LRCH2: variants seen among roughly 807,000 people sequenced by gnomAD.
LRCH2 encodes the protein leucine-rich repeat and calponin homology domain-containing protein 2.
A neutral mutation model predicts 68.9 loss-of-function variants in LRCH2; 38 were observed. The observed-to-expected ratio is 0.55, with a 90% CI of 0.43 to 0.72. The LOEUF is 0.72. Ranked by LOEUF, LRCH2 falls within the 30% of genes least tolerant of loss-of-function variation. The probability of loss-of-function intolerance (pLI) is 0.00; values close to 1 mark genes in which losing one functional copy is unlikely to be tolerated. For missense variants in LRCH2, 528 were observed against 572.9 expected, an observed-to-expected ratio of 0.92 and a Z score of 0.80; for synonymous variants, 191 against 208.1, an observed-to-expected ratio of 0.92 and a Z score of 0.71.
rs35928364 is a variant in LRCH2 at position 115,218,205 on chromosome X, CA to C, written c.349+15487del. Reference sequence around the variant, plus strand: ...TGCTTTCATGTAACATTTTTTAAACCAAAAAAAACCCCTAATATCTGAATTG... The same window carrying C: ...TGCTTTCATGTAACATTTTTTAAACCAAAAAAACCCCTAATATCTGAATTG... On this transcript the variant is annotated intron_variant, in intron 1 of 20. Transcript: ENST00000317135. 7.0e-3 allele frequency among the ~76,000 whole-genome samples: 765 copies of C among 109,905 alleles called. 5 individuals carry two copies. The highest frequency in any genetic ancestry group is 9.6e-3 in the Non-Finnish European group (502 of 52,509).
intron 1 of LRCH2, among the ~76,000 whole-genome samples, chrX:115,216,222 A>G (rs1033606304): frequency 8.9e-6 from 1 of 111,876 alleles, no homozygotes; most frequent in Non-Finnish European, 1.9e-5. Flanking sequence ...ATGTAAAACT[A>G]TATACACCAA....
chrX:115,228,018 A>G (rs1172081590), intron 1 of LRCH2, among the ~76,000 whole-genome samples: 1 of 112,219 alleles, frequency 8.9e-6, no homozygotes, highest in Non-Finnish European at 1.9e-5. Context: ...GAAAATATCT[A>G]CTGTTGAATT....
At chrX:115,125,300 G>A (rs192729871) in intron 16 of LRCH2, among the ~76,000 whole-genome samples, 411 of 102,576 alleles carry the variant, frequency 4.0e-3, no homozygotes, top group Non-Finnish European at 5.9e-3. Flanking sequence ...CTACCTACTC[G>A]GGAGGCTGAG....
intron 1 of LRCH2, among the ~76,000 whole-genome samples, chrX:115,203,336 T>A (rs2072942750): frequency 8.9e-6 from 1 of 111,928 alleles, no homozygotes; most frequent in African/African-American, 3.3e-5. Context: ...AGCTAAACCA[T>A]ATCATTCTGC....
At chrX:115,221,198 AAAAAAAAAAAAAATATATATAT>A (rs2073079502) in intron 1 of LRCH2, among the ~76,000 whole-genome samples, 4 of 9,139 alleles carry the variant, frequency 4.4e-4, no homozygotes, top group Non-Finnish European at 8.1e-4. Flanking sequence ...AAAAAAAAAA[AAAAAAAAAAAAAATATATATAT>A]ATATATATAT....
At chrX:115,117,940 C>T (rs2072098051) in intron 20 of LRCH2, among the ~76,000 whole-genome samples, 1 of 108,188 alleles carries the variant, frequency 9.2e-6, no homozygotes, top group South Asian at 3.9e-4. Flanking sequence ...GTTAATAACT[C>T]AATAAGGCTG....
intron 1 of LRCH2, chrX:115,189,981 G>C (rs1405002043): frequency 8.6e-7 from 1 of 1,162,706 alleles, no homozygotes; most frequent in Non-Finnish European, 1.1e-6. Flanking sequence ...GAATGCGCGG[G>C]AAGGCACCGA....
At chrX:115,114,437 A>T (rs1183125566) in intron 20 of LRCH2, among the ~76,000 whole-genome samples, 7 of 111,298 alleles carry the variant, frequency 6.3e-5, no homozygotes, top group African/African-American at 1.9e-4. Context: ...GAAACTAAAA[A>T]AAGAAGAGCA....
intron 1 of LRCH2, among the ~76,000 whole-genome samples, chrX:115,208,955 G>A (rs2072987980): frequency 8.9e-6 from 1 of 111,804 alleles, no homozygotes; most frequent in Non-Finnish European, 1.9e-5. Flanking sequence ...TAAGGAGAGG[G>A]CCATGTGATT....
At chrX:115,136,425 C>T (rs1196187177) in intron 14 of LRCH2, among the ~76,000 whole-genome samples, 1 of 111,487 alleles carries the variant, frequency 9.0e-6, no homozygotes, top group Admixed American at 9.6e-5. Context: ...ATACTGAATA[C>T]AATGTAAATG....
chrX:115,160,939 T>A (rs962189317), intron 11 of LRCH2, among the ~76,000 whole-genome samples: 13 of 112,485 alleles, frequency 1.2e-4, no homozygotes, highest in African/African-American at 3.9e-4. Flanking sequence ...AGAAAGATTA[T>A]TTAATAGAAA....
intron 16 of LRCH2, among the ~76,000 whole-genome samples, chrX:115,125,881 C>A (rs2072196455): frequency 9.3e-6 from 1 of 107,768 alleles, no homozygotes. Context: ...GTGTGTATAC[C>A]ATTTTACCTA....
chrX:115,203,191 A>G (rs782606792), intron 1 of LRCH2, among the ~76,000 whole-genome samples: 8 of 111,683 alleles, frequency 7.2e-5, no homozygotes, highest in Non-Finnish European at 1.5e-4. Flanking sequence ...AAACCATCAG[A>G]TCTTGTAAGA....
chrX:115,183,164 T>G, intron 3 of LRCH2, among the ~76,000 whole-genome samples: 1 of 111,113 alleles, frequency 9.0e-6, no homozygotes, highest in Admixed American at 9.6e-5. Context: ...ATCTGATCAC[T>G]TCTAAGATCT....
At chrX:115,153,559 T>A (rs1167553301) in intron 12 of LRCH2, among the ~76,000 whole-genome samples, 4 of 110,852 alleles carry the variant, frequency 3.6e-5, no homozygotes, top group African/African-American at 1.3e-4. Context: ...AAATAACTGT[T>A]TAAAGCATAA....
intron 1 of LRCH2, among the ~76,000 whole-genome samples, chrX:115,225,003 A>G (rs920089646): frequency 8.9e-6 from 1 of 111,930 alleles, no homozygotes; most frequent in Non-Finnish European, 1.9e-5. Flanking sequence ...CTGTCTGCCT[A>G]TTAAATAGAT....
chrX:115,178,245 T>C (rs782196014), intron 5 of LRCH2, among the ~76,000 whole-genome samples: 28 of 111,875 alleles, frequency 2.5e-4, no homozygotes, highest in African/African-American at 8.8e-4. Flanking sequence ...AGGGCAAGAA[T>C]CTGAGGGTGT....
chrX:115,139,815 C>A (rs1556533516), intron 14 of LRCH2, among the ~76,000 whole-genome samples: 1 of 111,417 alleles, frequency 9.0e-6, no homozygotes, highest in African/African-American at 3.3e-5. Flanking sequence ...TCAGCCCTAA[C>A]CAGATGGGAA....
intron 1 of LRCH2, 55 bp from the exon 2 acceptor site, chrX:115,188,425 G>T (rs2072750587): frequency 1.2e-6 from 1 of 865,629 alleles, no homozygotes; most frequent in Non-Finnish European, 1.5e-6. Flanking sequence ...GTAATTAAAA[G>T]AACTATTTTC....
Sources: gnomAD v4.1 joint callset for allele counts (sites outside exome capture counted in the v4.1 genomes callset) on GRCh38, gnomAD v4.1.1 for gene constraint, MANE v1.5 for transcripts, NCBI Gene and HGNC (gene_info 2026-07-23, HGNC 2026-07-21) for gene names.